Variants in PTGIR observed in about 807,000 individuals in gnomAD.
PTGIR encodes the protein prostaglandin I2 receptor.
A neutral mutation model predicts 17.6 loss-of-function variants in PTGIR; 16 were observed. That is an observed-to-expected ratio of 0.91 (90% CI 0.61 to 1.38). PTGIR has a LOEUF of 1.38. Among genes scored for constraint, PTGIR ranks in the 40% most tolerant of loss-of-function variants. The pLI is 0.00. For missense variants in PTGIR, 532 were observed against 548.6 expected, an observed-to-expected ratio of 0.97 and a Z score of 0.30; for synonymous variants, 274 against 255.4, an observed-to-expected ratio of 1.07 and a Z score of -0.69.
chr19:46,622,021 G>T, intron 2 of PTGIR: 1 of 985,462 alleles, frequency 1.0e-6, no homozygotes, highest in South Asian at 4.7e-5. Flanking sequence ...GAGCTGCGGT[G>T]GTGCCTGTGT....
downstream of PTGIR, among the ~76,000 whole-genome samples, chr19:46,619,604 G>GGAAAGAATGAAAGAAA (rs1555816590): frequency 1.0e-4 from 7 of 67,230 alleles, no homozygotes; most frequent in Admixed American, 1.7e-4. Context: ...AAGAAAGAAA[G>GGAAAGAATGAAAGAAA]GAAAGAAAGA....
rs200825547 is a variant in PTGIR, at chr19:46,623,934, C to G, written c.292G>C (p.Ala98Pro). The G allele has an allele frequency of 6.3e-7, 1 of 1,597,858 alleles. No homozygotes were observed. The highest frequency in any genetic ancestry group is 8.5e-7 in the Non-Finnish European group (1 of 1,171,660). Residue 98 changes from alanine to proline, a missense_variant, in exon 2 of 3, where the codon GCC (alanine) becomes CCC (proline). Transcript: ENST00000291294. ...GPALCDAFAF[A>P]MTFFGLASML... ...GACGCCAGGCCGAAGAAGGTCATGG[C>G]GAAGGCGAAGGCATCGCACAGGGCG...
downstream of PTGIR, among the ~76,000 whole-genome samples, chr19:46,617,844 C>CTTTT (rs61603656): frequency 5.3e-4 from 73 of 138,540 alleles, 2 homozygotes; most frequent in South Asian, 3.7e-3. Flanking sequence ...TTAACAAGGG[C>CTTTT]TTTTTTTTTT....
chr19:46,616,128 T>G (rs1971958092), downstream of PTGIR, among the ~76,000 whole-genome samples: 1 of 151,898 alleles, frequency 6.6e-6, no homozygotes. Flanking sequence ...ATGTGATTAT[T>G]CAATCACCCA....
rs569499258 is a variant in PTGIR, at chr19:46,621,908, C to A, written c.769-236G>T. 1 of 1,316,744 alleles carries A rather than the reference C, an allele frequency of 7.6e-7. No homozygotes were observed. Among genetic ancestry groups the A allele is most frequent in the Non-Finnish European group, 9.7e-7 (1 of 1,035,052 alleles). The allele number at this position is 1,316,744 out of a possible 1,614,324, so 81.6% of individuals were successfully genotyped here. A position where few individuals can be genotyped will look rare whatever the true frequency, so the allele number is the denominator to read the frequency against. ...TGGGGGCCAGGTATGTGGGTCCCCC[C>A]ACCCTTGGAAGCTGGGAGGACCCTC... On this transcript the variant is annotated intron_variant, in intron 2 of 2. Transcript: ENST00000291294. The surrounding 1 kb of genome is among the most constrained non-coding windows in gnomAD (Gnocchi z 4.8).
downstream of PTGIR, among the ~76,000 whole-genome samples, chr19:46,618,309 C>T (rs375367284): frequency 5.2e-4 from 79 of 152,186 alleles, no homozygotes; most frequent in African/African-American, 7.0e-4. Context: ...CCACTGCGCC[C>T]GGCCTAATTT....
the PTGIR span, among the ~76,000 whole-genome samples, chr19:46,611,619 C>T: frequency 3.9e-5 from 6 of 152,166 alleles, no homozygotes; most frequent in Non-Finnish European, 7.3e-5. Context: ...AGGAAGAAGC[C>T]GCCTCAACAG....
At chr19:46,615,659 C>G (rs139640464), downstream of PTGIR, among the ~76,000 whole-genome samples, 2,758 of 152,130 alleles carry the variant, frequency 0.018, 74 homozygotes, top group Admixed American at 0.066. Context: ...GTGCCCACCA[C>G]CACGCCCGGC....
rs765353437 is a variant in PTGIR at position 46,624,098 on chromosome 19, G to A, written c.128C>T (p.Pro43Leu). 92 of 1,539,600 alleles carry A rather than the reference G, an allele frequency of 6.0e-5. No individual in the cohort carries two copies. Among genetic ancestry groups the A allele is most frequent in the Non-Finnish European group, 7.9e-5 (91 of 1,148,656 alleles). Residue 43 changes from proline (P) to leucine (L), a missense_variant, in exon 2 of 3, where the codon CCG (proline) becomes CTG (leucine). Transcript: ENST00000291294. ...CACCGCGAAGGCCGAGGGGCGCGCC[G>A]GTCGCCGTGCGCTCAGGATGCCCAG... ...LALGILSARR[P>L]ARPSAFAVLV...
the PTGIR span, chr19:46,614,287 T>G: frequency 1.3e-6 from 1 of 756,212 alleles, no homozygotes; most frequent in Non-Finnish European, 1.6e-6. Context: ...TGAGTGTCAC[T>G]CCCAGTGTGA....
In PTGIR at chr19:46,624,140, A is replaced by G; in HGVS notation, c.86T>C (p.Val29Ala). Residue 29 changes from valine to alanine, a missense_variant, in exon 2 of 3, where the codon GTG becomes GCG. Physicochemically the swap from Val to Ala is moderately conservative, Grantham distance 64. Transcript: ENST00000291294. ...TSTLMFVAGV[V>A]GNGLALGILS... is the part of the protein sequence containing the mutation. ...GATGCCCAGGGCCAGCCCGTTGCCCACCACACCGGCCACGAACATCAGGGT... is the reference window on the plus strand; with the variant it reads ...GATGCCCAGGGCCAGCCCGTTGCCCGCCACACCGGCCACGAACATCAGGGT... 3 of 1,532,456 alleles carry G rather than the reference A, an allele frequency of 2.0e-6. No individual in the cohort carries two copies. The highest frequency in any genetic ancestry group is 1.4e-5 in the African/African-American group (1 of 72,502). The allele number at this position is 1,532,456 out of a possible 1,614,324, so 94.9% of individuals were successfully genotyped here.
At position 46,621,403 on chromosome 19, in the gene PTGIR, G is replaced by A. The variant is rs200215718; in HGVS notation, c.1038C>T (p.Cys346=). 172 of 1,602,598 alleles carry A rather than the reference G, an allele frequency of 1.1e-4. No homozygotes were observed. The highest frequency in any genetic ancestry group is 1.4e-4 in the Non-Finnish European group (163 of 1,172,166). ...PSAPVGKEGS[C]VPLSAWGEGQ... ...CCTCGCCCCAAGCCGACAAAGGCAC[G>A]CAGCTCCCCTCCTTTCCCACAGGAG... The change falls in exon 3 of 3, where the codon TGC becomes TGT. Residue 346 remains cysteine (C), a synonymous_variant. Transcript: ENST00000291294. The surrounding 1 kb of genome is among the most constrained non-coding windows in gnomAD (Gnocchi z 4.8).
chr19:46,614,727 A>G, the PTGIR span, among the ~76,000 whole-genome samples: 4 of 152,170 alleles, frequency 2.6e-5, no homozygotes, highest in Non-Finnish European at 5.9e-5. Flanking sequence ...AAATACAAAA[A>G]TTAGCCAGGT....
At chr19:46,619,788 TC>T (rs1972033161), downstream of PTGIR, among the ~76,000 whole-genome samples, 1 of 152,160 alleles carries the variant, frequency 6.6e-6, no homozygotes, top group Non-Finnish European at 1.5e-5. Flanking sequence ...ACCGCGCCTC[TC>T]CCCAAGTGTG....
At chr19:46,617,373 G>A (rs1362425640), downstream of PTGIR, among the ~76,000 whole-genome samples, 1 of 152,202 alleles carries the variant, frequency 6.6e-6, no homozygotes, top group East Asian at 1.9e-4. Flanking sequence ...GGGTGGATGG[G>A]GGGCATTGTC....
At chr19:46,619,581 G>GAAAGAAA (rs1331912148), downstream of PTGIR, among the ~76,000 whole-genome samples, 74 of 86,912 alleles carry the variant, frequency 8.5e-4, no homozygotes, top group Admixed American at 1.5e-3. Flanking sequence ...GAGAGAGAGA[G>GAAAGAAA]AGAAAGAAAG....
downstream of PTGIR, among the ~76,000 whole-genome samples, chr19:46,616,264 C>G (rs1195569694): frequency 1.4e-5 from 2 of 145,854 alleles, no homozygotes; most frequent in Non-Finnish European, 3.0e-5. Flanking sequence ...AATGAATATA[C>G]AGGAGGCTTA....
Position 46,621,556 on chromosome 19 carries a change from G to A in PTGIR, c.885C>T (p.Phe295=). The part of the protein sequence containing the change: ...PILDPWVFIL[F]RKAVFQRLKL... ...TGAGTCGCTGGAAGACAGCCTTGCG[G>A]AAAAGGATGAAGACCCAGGGGTCCA... Residue 295 remains phenylalanine, a synonymous_variant, in exon 3 of 3, where the codon TTC becomes TTT. Coordinates refer to ENST00000291294, the MANE Select transcript of PTGIR (RefSeq NM_000960.4). The surrounding 1 kb of genome is among the most constrained non-coding windows in gnomAD (Gnocchi z 4.8). The A allele has an allele frequency of 6.2e-7, 1 of 1,614,144 alleles. No individual in the cohort carries two copies. The highest frequency in any genetic ancestry group is 8.5e-7 in the Non-Finnish European group (1 of 1,180,046).
chr19:46,613,853 G>A, the PTGIR span, among the ~76,000 whole-genome samples: 1 of 152,264 alleles, frequency 6.6e-6, no homozygotes, highest in East Asian at 1.9e-4. Flanking sequence ...AGCGCACTCG[G>A]ATCCCAACGC....
Sources: allele counts gnomAD v4.1 joint callset (sites outside exome capture counted in the v4.1 genomes callset), GRCh38; gene constraint gnomAD v4.1.1; non-coding constraint Gnocchi (gnomAD v3.1); transcripts MANE v1.5; gene names NCBI Gene and HGNC (gene_info 2026-07-23, HGNC 2026-07-21).